The following IMPG2 variants were observed in gnomAD, a reference collection of about 807,000 sequenced individuals.
The protein encoded by IMPG2 is IPM 200.
Under a neutral mutation model 129.2 loss-of-function variants are expected in IMPG2, and 91 were observed. The observed-to-expected ratio is 0.70, with a 90% CI of 0.59 to 0.84. The LOEUF (loss-of-function observed/expected upper bound fraction) is 0.84, where lower values mean the gene tolerates loss of function less well. IMPG2 is among the 40% of genes least tolerant of loss of function. IMPG2 has a pLI of 0.00. For missense variants in IMPG2, 1,430 were observed against 1,461.7 expected, an observed-to-expected ratio of 0.98 and a Z score of 0.35; for synonymous variants, 510 against 517.7, an observed-to-expected ratio of 0.99 and a Z score of 0.20.
Position 101,253,695 on chromosome 3 carries a change from C to A in IMPG2, c.1239+1G>T. On this transcript the variant is annotated splice_donor_variant, in intron 11 of 18. Transcript: ENST00000193391. LOFTEE classifies it high-confidence loss of function. The stretch of plus-strand genomic sequence containing the variant: ...TTCTAGCATAAAACATAAAAACATA[C>A]CAGAATAGATGACGGCGTTGCCTGA... The A allele has an allele frequency of 6.2e-7, 1 of 1,606,450 alleles. No individual in the cohort carries two copies. The highest frequency in any genetic ancestry group is 1.1e-5 in the South Asian group (1 of 90,468).
intron 18 of IMPG2, among the ~76,000 whole-genome samples, chr3:101,228,427 C>A (rs1010922350): frequency 2.6e-5 from 4 of 152,162 alleles, no homozygotes; most frequent in African/African-American, 9.7e-5. Context: ...CTAGTGAGAT[C>A]TATGACAACA....
At chr3:101,246,163 T>C in intron 11 of IMPG2, 58 bp from the exon 12 acceptor site, 1 of 1,525,778 alleles carries the variant, frequency 6.6e-7, no homozygotes, top group Non-Finnish European at 9.0e-7. Context: ...TAAAAAGTGA[T>C]TTTAAATACC....
In IMPG2 at chr3:101,315,712, TC is replaced by T. The variant is rs558596558; in HGVS notation, c.334+3871del. On this transcript the variant is annotated intron_variant, in intron 2 of 18. Coordinates refer to ENST00000193391, the MANE Select transcript of IMPG2 (RefSeq NM_016247.4). ...TCAATCTGTATTAAGATGGCAATTCTCCCCAAACTGATCTATAGAATGAAAC... is the reference window on the plus strand; with the variant it reads ...TCAATCTGTATTAAGATGGCAATTCTCCCAAACTGATCTATAGAATGAAAC... Among the ~76,000 whole-genome samples the T allele has an allele frequency of 9.9e-5, 15 of 152,128 alleles. 1 individual carries two copies. The East Asian group carries it at 2.9e-3, about 29-fold the overall frequency.
chr3:101,232,102 G>C (rs1389295447), intron 15 of IMPG2, among the ~76,000 whole-genome samples: 1 of 152,056 alleles, frequency 6.6e-6, no homozygotes, highest in Non-Finnish European at 1.5e-5. Context: ...TTCACTTTCA[G>C]ATATAGAGGA....
chr3:101,235,586 C>A (rs1453293432), intron 14 of IMPG2, among the ~76,000 whole-genome samples: 1 of 152,098 alleles, frequency 6.6e-6, no homozygotes, highest in Admixed American at 6.5e-5. Context: ...AGGAGAAAGA[C>A]AAAGCCTAAT....
Position 101,229,577 on chromosome 3 carries a change from G to A in IMPG2, c.3436C>T (p.Gln1146Ter). 6.2e-7 allele frequency: 1 copy of A among 1,613,790 alleles called. No individual in the cohort carries two copies. Among genetic ancestry groups the A allele is most frequent in the Non-Finnish European group, 8.5e-7 (1 of 1,179,864 alleles). Residue 1146 changes from glutamine (Q) to a stop codon, truncating the protein, a stop_gained, in exon 17 of 19, where the codon CAG (glutamine) becomes TAG (stop). Transcript: ENST00000193391. LOFTEE classifies it high-confidence loss of function. ...TCAATAGATGAGAGGCTGTCAGGCT[G>A]CCTGCTGGAGCCACTAAAAGAAAGA... is the stretch of plus-strand genomic sequence containing the variant. ...RESPFSGSSR[Q>*]PDSLSSIENA...
In IMPG2 at chr3:101,246,019, G is replaced by A; in HGVS notation, c.1326C>T (p.Pro442=). 6.2e-7 allele frequency: 1 copy of A among 1,614,138 alleles called. No homozygotes were observed. The highest frequency in any genetic ancestry group is 8.5e-7 in the Non-Finnish European group (1 of 1,180,008). ...ACCAGAGTTCCCTGCCAGTGGCTGA[G>A]GGAGGACCAGAGCTGAAATCAAGTG... is the stretch of plus-strand genomic sequence containing the variant. The part of the protein sequence containing the change: ...IPPLDFSSGP[P]SATGRELWSE... The change falls in exon 12 of 19, where the codon CCC becomes CCT. Residue 442 remains proline (P), a synonymous_variant. Coordinates refer to ENST00000193391, the MANE Select transcript of IMPG2 (RefSeq NM_016247.4).
intron 3 of IMPG2, among the ~76,000 whole-genome samples, chr3:101,300,759 T>C (rs1002654159): frequency 3.3e-5 from 5 of 152,242 alleles, no homozygotes; most frequent in African/African-American, 1.2e-4. Context: ...TTCTTTTAGA[T>C]GGAGCCACAG....
intron 11 of IMPG2, among the ~76,000 whole-genome samples, chr3:101,247,105 A>G (rs999113130): frequency 6.6e-6 from 1 of 152,062 alleles, no homozygotes; most frequent in African/African-American, 2.4e-5. Context: ...CTTAAAAAAA[A>G]AAAAAATGTT....
Position 101,229,404 on chromosome 3 carries a change from A to G in IMPG2, c.3609T>C (p.Tyr1203=). Reference sequence around the variant, plus strand: ...CCTCTCTGGAAAGCTCACTGCTCTCATACATCTGTCTGATTTCTTCTCTGC... The same window carrying G: ...CCTCTCTGGAAAGCTCACTGCTCTCGTACATCTGTCTGATTTCTTCTCTGC... ...GLSREEIRQM[Y]ESSELSREEI... is the part of the protein sequence containing the mutation. Residue 1203 remains tyrosine (Y), a synonymous_variant, in exon 17 of 19, where the codon TAT becomes TAC. Coordinates refer to ENST00000193391, the MANE Select transcript of IMPG2 (RefSeq NM_016247.4). 4 of 1,607,822 alleles carry G rather than the reference A, an allele frequency of 2.5e-6. No homozygotes were observed. The highest frequency in any genetic ancestry group is 3.4e-6 in the Non-Finnish European group (4 of 1,179,314).
chr3:101,227,000 G>A lies in IMPG2; in HGVS notation c.3714-19C>T, dbSNP rs1451358051. The A allele has an allele frequency of 6.2e-7, 1 of 1,612,816 alleles. No individual in the cohort carries two copies. Among genetic ancestry groups the A allele is most frequent in the Non-Finnish European group, 8.5e-7 (1 of 1,179,358 alleles). On this transcript the variant is annotated intron_variant, in intron 18 of 18. Coordinates refer to ENST00000193391, the MANE Select transcript of IMPG2 (RefSeq NM_016247.4). ...CTCTTCCCTGCCATGAAAACACAAA[G>A]AGCAATTCAGTAAAAAAAAAGCAAG...
At chr3:101,312,588 A>G (rs1368933569) in intron 2 of IMPG2, among the ~76,000 whole-genome samples, 1 of 152,108 alleles carries the variant, frequency 6.6e-6, no homozygotes, top group African/African-American at 2.4e-5. Context: ...ACACAGTACA[A>G]TCACTTTGGA....
intron 3 of IMPG2, among the ~76,000 whole-genome samples, chr3:101,298,220 C>A (rs1707101257): frequency 2.0e-5 from 3 of 151,962 alleles, no homozygotes; most frequent in African/African-American, 7.3e-5. Flanking sequence ...AGGATTGCAA[C>A]CCCTGCTTTT....
intron 3 of IMPG2, among the ~76,000 whole-genome samples, chr3:101,303,675 G>T (rs1210495689): frequency 6.6e-6 from 1 of 152,136 alleles, no homozygotes; most frequent in East Asian, 1.9e-4. Flanking sequence ...GAAAACAAGT[G>T]AGCACACTCA....
At chr3:101,295,261 G>A (rs1707066833) in intron 3 of IMPG2, among the ~76,000 whole-genome samples, 1 of 152,178 alleles carries the variant, frequency 6.6e-6, no homozygotes, top group African/African-American at 2.4e-5. Context: ...TTTGTATAAG[G>A]TGTAAGGAAG....
At chr3:101,248,751 G>A (rs1443499583) in intron 11 of IMPG2, among the ~76,000 whole-genome samples, 1 of 152,150 alleles carries the variant, frequency 6.6e-6, no homozygotes, top group Non-Finnish European at 1.5e-5. Flanking sequence ...ATTTTCTTTT[G>A]TGGAACTCAA....
intron 18 of IMPG2, 113 bp downstream of exon 18, chr3:101,228,684 C>G (rs1043775001): frequency 1.2e-6 from 1 of 827,478 alleles, no homozygotes; most frequent in African/African-American, 1.7e-5. Context: ...TTGGTTATCA[C>G]GGAGACTCCT....
intron 11 of IMPG2, among the ~76,000 whole-genome samples, chr3:101,246,614 T>C (rs1398089956): frequency 6.6e-6 from 1 of 152,192 alleles, no homozygotes; most frequent in Admixed American, 6.5e-5. Flanking sequence ...GTAGTCTGGT[T>C]ACCTCAAATG....
chr3:101,319,792 C>T lies in IMPG2; in HGVS notation c.126G>A (p.Lys42=). 3 of 1,613,096 alleles carry T rather than the reference C, an allele frequency of 1.9e-6. No homozygotes were observed. Among genetic ancestry groups the T allele is most frequent in the Non-Finnish European group, 2.5e-6 (3 of 1,179,608 alleles). ...CAGGCAGGAGAAAAGAAACTGCACT[C>T]TTGGGTTCTTGGATCTCCTCTATAG... is the stretch of plus-strand genomic sequence containing the variant. The part of the protein sequence containing the change: ...YLSIEEIQEP[K]SAVSFLLPEE... Residue 42 remains lysine (K), a synonymous_variant, in exon 2 of 19, where the codon AAG becomes AAA. Coordinates refer to ENST00000193391, the MANE Select transcript of IMPG2 (RefSeq NM_016247.4).
Sources: gnomAD v4.1 joint callset for allele counts (sites outside exome capture counted in the v4.1 genomes callset) on GRCh38, gnomAD v4.1.1 for gene constraint, MANE v1.5 for transcripts, NCBI Gene and HGNC (gene_info 2026-07-23, HGNC 2026-07-21) for gene names.